DLG2: variants seen among roughly 807,000 people sequenced by gnomAD.
The protein encoded by DLG2 is discs large MAGUK scaffold protein 2, also known as disks large homolog 2.
Under a neutral mutation model 132.5 loss-of-function variants are expected in DLG2, and 45 were observed. The ratio of observed to expected loss-of-function variants is 0.34; its 90% CI spans 0.27 to 0.44. The LOEUF (loss-of-function observed/expected upper bound fraction) is 0.44, where lower values mean the gene tolerates loss of function less well. DLG2 is among the 20% of genes least tolerant of loss of function. The pLI, the probability that DLG2 is intolerant of heterozygous loss-of-function variation, is 1.00. For synonymous variants in DLG2, 424 were observed against 419.6 expected (o/e 1.01, Z -0.13); for missense variants, 1,045 against 1,196.9 (o/e 0.87, Z 1.87).
chr11:84,748,601 A>G (rs2065695892), intron 6 of DLG2, among the ~76,000 whole-genome samples: 1 of 152,206 alleles, frequency 6.6e-6, no homozygotes, highest in Admixed American at 6.5e-5. Context: ...ATTTATTTGT[A>G]TATGTCCTTC....
At chr11:83,781,214 C>T (rs1181371556) in intron 18 of DLG2, among the ~76,000 whole-genome samples, 1 of 152,024 alleles carries the variant, frequency 6.6e-6, no homozygotes, top group African/African-American at 2.4e-5. Context: ...CTTTCTTGCC[C>T]ACTATATATT....
intron 3 of DLG2, among the ~76,000 whole-genome samples, chr11:85,460,711 C>T (rs1012321168): frequency 2.0e-5 from 3 of 152,156 alleles, no homozygotes; most frequent in Non-Finnish European, 2.9e-5. Context: ...AATCAATTTG[C>T]CTTGTCTTTA....
chr11:85,417,818 A>G (rs182684118), intron 3 of DLG2, among the ~76,000 whole-genome samples: 1 of 151,828 alleles, frequency 6.6e-6, no homozygotes, highest in East Asian at 1.9e-4. Flanking sequence ...TGTGTCTATT[A>G]TATTCTTCTC....
intron 3 of DLG2, among the ~76,000 whole-genome samples, chr11:85,376,017 A>G (rs547513134): frequency 4.2e-4 from 64 of 152,296 alleles, no homozygotes; most frequent in African/African-American, 1.3e-3. Flanking sequence ...ATTTGTATAT[A>G]CTCCCAGTTA....
intron 6 of DLG2, chr11:84,546,545 T>G (rs1214335215): frequency 8.2e-6 from 3 of 366,736 alleles, no homozygotes; most frequent in Non-Finnish European, 1.6e-5. Flanking sequence ...CACAGTTAAG[T>G]AGGCAACTAG....
intron 2 of DLG2, 31 bp from the exon 3 acceptor site, chr11:85,598,819 A>G: frequency 1.6e-6 from 1 of 610,452 alleles, no homozygotes; most frequent in Non-Finnish European, 2.6e-6. Context: ...ATTATATTTT[A>G]TGGTCTTAGC....
At chr11:83,691,262 C>T (rs1262003013) in intron 18 of DLG2, among the ~76,000 whole-genome samples, 1 of 152,178 alleles carries the variant, frequency 6.6e-6, no homozygotes, top group Non-Finnish European at 1.5e-5. Flanking sequence ...CTTCTGGCCT[C>T]TTCTGGCTAT....
At chr11:85,052,429 A>G (rs1191287420) in intron 6 of DLG2, among the ~76,000 whole-genome samples, 1 of 152,220 alleles carries the variant, frequency 6.6e-6, no homozygotes, top group Non-Finnish European at 1.5e-5. Flanking sequence ...AGGAGAGAAT[A>G]GAGGTTTTCA....
Position 84,168,826 on chromosome 11 carries a change from TAC to T in DLG2, c.574-5317_574-5316del, listed in dbSNP as rs145846743. On this transcript the variant is annotated intron_variant, in intron 8 of 27. Coordinates refer to ENST00000376104, the MANE Select transcript of DLG2 (RefSeq NM_001142699.3). ...CAGCAAATCAACACACACACACACATACACACACACACACACACACACACAAA... is the reference window on the plus strand; with the variant it reads ...CAGCAAATCAACACACACACACACATACACACACACACACACACACACAAA... Among the ~76,000 whole-genome samples, 207 of 148,034 alleles carry T rather than the reference TAC, an allele frequency of 1.4e-3. 2 individuals are homozygous for T. Among genetic ancestry groups the T allele is most frequent in the Admixed American group, 2.2e-3 (33 of 14,860 alleles).
chr11:84,111,044 G>C (rs1595486227), intron 9 of DLG2, among the ~76,000 whole-genome samples: 1 of 152,012 alleles, frequency 6.6e-6, no homozygotes, highest in Admixed American at 6.6e-5. Flanking sequence ...TTCTCTAAGT[G>C]ATTCACAATT....
chr11:83,851,277 G>C (rs2059715366), intron 16 of DLG2, among the ~76,000 whole-genome samples: 1 of 152,048 alleles, frequency 6.6e-6, no homozygotes, highest in African/African-American at 2.4e-5. Context: ...GTTAAGAAGA[G>C]GTCACAGTGG....
intron 15 of DLG2, among the ~76,000 whole-genome samples, chr11:83,923,263 T>C (rs1480713786): frequency 6.6e-6 from 1 of 152,150 alleles, no homozygotes; most frequent in Non-Finnish European, 1.5e-5. Context: ...ATGTGGCTAG[T>C]GCCTGGATGA....
intron 3 of DLG2, among the ~76,000 whole-genome samples, chr11:85,482,832 C>G (rs1450570014): frequency 6.6e-6 from 1 of 152,166 alleles, no homozygotes; most frequent in Non-Finnish European, 1.5e-5. Context: ...CCATGGTCCA[C>G]CCCCAGTCCC....
At position 83,746,078 on chromosome 11, in the gene DLG2, C is replaced by G. The variant is rs955356782; in HGVS notation, c.1825+40612G>C. Among the ~76,000 whole-genome samples, 5 of 152,274 alleles carry G rather than the reference C, an allele frequency of 3.3e-5. No individual in the cohort carries two copies. The South Asian group carries it at 8.3e-4, about 25-fold the overall frequency. On this transcript the variant is annotated intron_variant, in intron 18 of 27. Coordinates refer to ENST00000376104, the MANE Select transcript of DLG2 (RefSeq NM_001142699.3). ...CCATCATTAAAAAGTCAGGAAACAA[C>G]AGGTGCTGGAGAGGATGTGGAGAAA...
Position 83,587,187 on chromosome 11 carries a change from GT to G in DLG2, c.1941-45330del, listed in dbSNP as rs200863900. 6.3e-3 allele frequency among the ~76,000 whole-genome samples: 952 copies of G among 151,548 alleles called. 8 individuals are homozygous for G. Among genetic ancestry groups the G allele is most frequent in the African/African-American group, 0.021 (878 of 41,322 alleles). ...GAAAACAACACATCTGCTGCTTATAGTTTTTTTTAAATTATCTTTTAATGTT... is the reference window on the plus strand; with the variant it reads ...GAAAACAACACATCTGCTGCTTATAGTTTTTTTAAATTATCTTTTAATGTT... On this transcript the variant is annotated intron_variant, in intron 19 of 27. Transcript: ENST00000376104.
At chr11:83,720,217 C>A (rs2088015148) in intron 18 of DLG2, among the ~76,000 whole-genome samples, 1 of 139,292 alleles carries the variant, frequency 7.2e-6, no homozygotes, top group Admixed American at 8.2e-5. Flanking sequence ...TCACTTGAAC[C>A]CAGGAGGCGG....
At chr11:83,478,105 A>AGAGT (rs2092769680) in intron 22 of DLG2, among the ~76,000 whole-genome samples, 1 of 152,106 alleles carries the variant, frequency 6.6e-6, no homozygotes, top group African/African-American at 2.4e-5. Context: ...GCTGAGATCT[A>AGAGT]GAGTTAGTTG....
chr11:83,883,881 C>A (rs900607354), intron 15 of DLG2, among the ~76,000 whole-genome samples: 1 of 151,666 alleles, frequency 6.6e-6, no homozygotes, highest in East Asian at 1.9e-4. Flanking sequence ...TAGCTTAAAT[C>A]AGGTATTAGA....
intron 7 of DLG2, among the ~76,000 whole-genome samples, chr11:84,278,803 TTTTA>T (rs146269681): frequency 0.82 from 122,769 of 150,554 alleles, 50,432 homozygotes; most frequent in South Asian, 0.89. Flanking sequence ...GTAAACATTA[TTTTA>T]TTTATTTATT....
Sources: allele counts gnomAD v4.1 joint callset (sites outside exome capture counted in the v4.1 genomes callset), GRCh38; gene constraint gnomAD v4.1.1; transcripts MANE v1.5; gene names NCBI Gene and HGNC (gene_info 2026-07-23, HGNC 2026-07-21).